Variants in GRAMD2B observed in about 807,000 individuals in gnomAD.
GRAMD2B encodes the protein GRAM domain containing 2B, also known as GRAM domain-containing protein 2B.
GRAMD2B carries 41 observed loss-of-function variants against 59.2 expected under a neutral mutation model. The observed-to-expected ratio is 0.69, with a 90% CI of 0.54 to 0.90. The LOEUF is 0.90. Among genes scored for constraint, GRAMD2B ranks in the 40% least tolerant of loss-of-function variants. GRAMD2B has a pLI of 0.00. For missense variants in GRAMD2B, 424 were observed against 500.5 expected (o/e 0.85, Z 1.46); for synonymous variants, 161 against 182.7 (o/e 0.88, Z 0.96).
intron 1 of GRAMD2B, among the ~76,000 whole-genome samples, chr5:126,412,992 C>T (rs1002166568): frequency 1.3e-5 from 2 of 151,998 alleles, no homozygotes; most frequent in Non-Finnish European, 2.9e-5. Context: ...TTTAGATCTT[C>T]TCTCTTTTTT....
intron 13 of GRAMD2B, chr5:126,490,370 A>G (rs1381017441): frequency 6.6e-6 from 1 of 152,108 alleles, no homozygotes; most frequent in Non-Finnish European, 1.5e-5. Flanking sequence ...CCGGGACACC[A>G]CATTCTGTAA....
intron 1 of GRAMD2B, among the ~76,000 whole-genome samples, chr5:126,434,685 T>A (rs1580966726): frequency 1.3e-5 from 2 of 151,966 alleles, no homozygotes; most frequent in Admixed American, 6.6e-5. Context: ...GCCCGGCTAA[T>A]TTTTTGTGTT....
At chr5:126,463,681 T>C (rs13359059) in intron 1 of GRAMD2B, among the ~76,000 whole-genome samples, 79,243 of 152,082 alleles carry the variant, frequency 0.52, 22,302 homozygotes, top group Non-Finnish European at 0.63. Context: ...TCCTCAGATA[T>C]GTATCTACTA....
At chr5:126,434,141 AT>A (rs1762024728) in intron 1 of GRAMD2B, among the ~76,000 whole-genome samples, 1 of 152,214 alleles carries the variant, frequency 6.6e-6, no homozygotes, top group Admixed American at 6.5e-5. Flanking sequence ...TAACAAACTA[AT>A]TTCTATACAT....
In GRAMD2B at chr5:126,412,534, C is replaced by T. The variant is rs185182557; in HGVS notation, c.125+40967C>T. Reference sequence around the variant, plus strand: ...GCTAGTATTGTCTTAAAAATTTTTGCATCTATGTTCATCAGGGATATTGGC... The same window carrying T: ...GCTAGTATTGTCTTAAAAATTTTTGTATCTATGTTCATCAGGGATATTGGC... On this transcript the variant is annotated intron_variant, in intron 1 of 8. Coordinates refer to the GRAMD2B transcript ENST00000506445. Among the ~76,000 whole-genome samples, 7 of 152,166 alleles carry T rather than the reference C, an allele frequency of 4.6e-5. No individual in the cohort carries two copies. The East Asian group carries it at 1.2e-3, about 25-fold the overall frequency.
chr5:126,492,758 T>C (rs577879819), intron 13 of GRAMD2B, among the ~76,000 whole-genome samples, 157 bp from the exon 14 acceptor site: 1 of 152,282 alleles, frequency 6.6e-6, no homozygotes, highest in African/African-American at 2.4e-5. Flanking sequence ...AGTTCTAGTC[T>C]ATGAAAAAGC....
intron 1 of GRAMD2B, among the ~76,000 whole-genome samples, chr5:126,388,215 A>ATACAAAAAT (rs1472598945): frequency 3.9e-5 from 6 of 152,076 alleles, no homozygotes; most frequent in Non-Finnish European, 7.4e-5. Context: ...TCTACAAAAA[A>ATACAAAAAT]TACAAAAATT....
In GRAMD2B at chr5:126,394,609, A is replaced by G. The variant is rs147549538; in HGVS notation, c.125+23042A>G. ...ATTCCATTTCAATATTCTGCCTTCC[A>G]TTTCAATATTCTGCATTCCATCCAA... On this transcript the variant is annotated intron_variant, in intron 1 of 8. Coordinates refer to the GRAMD2B transcript ENST00000506445. Among the ~76,000 whole-genome samples the G allele has an allele frequency of 1.2e-4, 18 of 152,304 alleles. No individual in the cohort carries two copies. In the East Asian group the frequency reaches 3.3e-3, roughly 28 times the overall value.
At chr5:126,454,182 T>C (rs921246988) in intron 1 of GRAMD2B, among the ~76,000 whole-genome samples, 2 of 152,052 alleles carry the variant, frequency 1.3e-5, no homozygotes, top group Non-Finnish European at 2.9e-5. Flanking sequence ...AAGAGGGAGA[T>C]TGCAAAACTG....
At chr5:126,364,387 C>G (rs994821106) in intron 1 of GRAMD2B, among the ~76,000 whole-genome samples, 7 of 152,236 alleles carry the variant, frequency 4.6e-5, no homozygotes, top group Non-Finnish European at 8.8e-5. Flanking sequence ...ATGATGGAAC[C>G]TAACACAGCT....
upstream of GRAMD2B, among the ~76,000 whole-genome samples, chr5:126,422,401 G>T (rs891349425): frequency 3.3e-5 from 5 of 152,100 alleles, no homozygotes; most frequent in Admixed American, 3.3e-4. Flanking sequence ...GTTTCACTAG[G>T]TTGGCCATGC....
chr5:126,446,281 A>G (rs1764217096), intron 1 of GRAMD2B, among the ~76,000 whole-genome samples: 1 of 152,178 alleles, frequency 6.6e-6, no homozygotes, highest in Admixed American at 6.5e-5. Context: ...CAAAACCAGT[A>G]GGAGGTAGGA....
At chr5:126,443,543 C>T (rs1321412258) in intron 1 of GRAMD2B, among the ~76,000 whole-genome samples, 1 of 152,210 alleles carries the variant, frequency 6.6e-6, no homozygotes, top group Non-Finnish European at 1.5e-5. Context: ...CATCCTCTTT[C>T]ATGTCTCCCT....
At chr5:126,372,164 T>C (rs1342187965) in intron 1 of GRAMD2B, among the ~76,000 whole-genome samples, 3 of 152,188 alleles carry the variant, frequency 2.0e-5, no homozygotes, top group Non-Finnish European at 4.4e-5. Context: ...AATAACTACA[T>C]ATTTTTCATG....
At chr5:126,391,234 G>A (rs947985354) in intron 1 of GRAMD2B, among the ~76,000 whole-genome samples, 7 of 148,610 alleles carry the variant, frequency 4.7e-5, no homozygotes, top group Non-Finnish European at 1.0e-4. Context: ...CCAGCTACTC[G>A]GGAGGCTGAG....
At chr5:126,363,159 G>T (rs1754294719) in intron 1 of GRAMD2B, among the ~76,000 whole-genome samples, 1 of 152,138 alleles carries the variant, frequency 6.6e-6, no homozygotes, top group Non-Finnish European at 1.5e-5. Context: ...CGGGGCAAAG[G>T]ATTTGAATGG....
rs1161534619 is a variant in GRAMD2B, at chr5:126,360,458, C to G, written c.127C>G (p.Leu43Val). The change falls in exon 1 of 14, where the codon CTC becomes GTC. Residue 43 changes from leucine to valine, a missense_variant and splice_region_variant. Physicochemically the swap from Leu to Val is conservative, Grantham distance 32. Coordinates refer to the GRAMD2B transcript ENST00000513040. The stretch of plus-strand genomic sequence containing the variant: ...GAAGCCAGTGGGTCCGGACCTGGAA[C>G]TGTAAGTGACAGGTCTCAGACCTGG... 3 of 1,550,292 alleles carry G rather than the reference C, an allele frequency of 1.9e-6. No individual in the cohort carries two copies. In the South Asian group the frequency reaches 3.6e-5, roughly 18 times the overall value.
chr5:126,460,523 C>T (rs1350260987), intron 1 of GRAMD2B, among the ~76,000 whole-genome samples: 3 of 152,206 alleles, frequency 2.0e-5, no homozygotes, highest in African/African-American at 7.2e-5. Context: ...TCCCAGCCAT[C>T]CTGTCTCCAT....
chr5:126,371,638 T>C (rs1393490610), intron 1 of GRAMD2B: 1 of 1,179,478 alleles, frequency 8.5e-7, no homozygotes, highest in East Asian at 6.2e-5. Flanking sequence ...CTGGTGACCC[T>C]TGGAGAGCTC....
Sources: gnomAD v4.1 joint callset for allele counts (sites outside exome capture counted in the v4.1 genomes callset) on GRCh38, gnomAD v4.1.1 for gene constraint, MANE v1.5 for transcripts, NCBI Gene and HGNC (gene_info 2026-07-23, HGNC 2026-07-21) for gene names.